Variants in GALNT17 observed in about 807,000 individuals in gnomAD.
GALNT17 encodes polypeptide N-acetylgalactosaminyltransferase 17, also known as UDP-GalNAc:polypeptide N-acetylgalactosaminyltransferase-like 3.
In GALNT17, 29 loss-of-function variants were observed where a neutral mutation model predicts 63.7. That is an observed-to-expected ratio of 0.46 (90% confidence interval 0.34 to 0.62). The LOEUF is 0.62. GALNT17 is among the 20% of genes least tolerant of loss of function. The pLI, the probability that GALNT17 is intolerant of heterozygous loss-of-function variation, is 0.01. For missense variants in GALNT17, 603 were observed against 799.6 expected (o/e 0.75, Z 2.97); for synonymous variants, 305 against 318.3 (o/e 0.96, Z 0.45).
chr7:71,638,339 A>G (rs1017712962), intron 6 of GALNT17, among the ~76,000 whole-genome samples: 1 of 152,128 alleles, frequency 6.6e-6, no homozygotes, highest in African/African-American at 2.4e-5. Flanking sequence ...CACTAAGAAC[A>G]CCTAGCCTCC....
chr7:71,591,460 C>T (rs1789800216), intron 6 of GALNT17, among the ~76,000 whole-genome samples: 1 of 152,136 alleles, frequency 6.6e-6, no homozygotes. Flanking sequence ...TGTGAAAGAG[C>T]CATAGGGACT....
intron 1 of GALNT17, among the ~76,000 whole-genome samples, chr7:71,249,440 A>G (rs1033657295): frequency 1.1e-4 from 16 of 152,162 alleles, no homozygotes; most frequent in Non-Finnish European, 2.2e-4. Flanking sequence ...ACCTGCATAT[A>G]TGTTTAATTA....
intron 5 of GALNT17, among the ~76,000 whole-genome samples, chr7:71,528,103 A>G (rs1329936180): frequency 6.6e-6 from 1 of 152,216 alleles, no homozygotes; most frequent in Non-Finnish European, 1.5e-5. Context: ...GTACAGAATT[A>G]TCGAATGCCT....
chr7:71,542,695 C>CAAA (rs10664146), intron 5 of GALNT17, among the ~76,000 whole-genome samples: 1,294 of 120,278 alleles, frequency 0.011, 40 homozygotes, highest in South Asian at 0.029. Flanking sequence ...GACTCCCTGT[C>CAAA]AAAAAAAAAA....
At chr7:71,169,538 T>C (rs1180854861) in intron 1 of GALNT17, among the ~76,000 whole-genome samples, 1 of 152,128 alleles carries the variant, frequency 6.6e-6, no homozygotes, top group African/African-American at 2.4e-5. Context: ...ACATAATGGG[T>C]TTTTATATAG....
chr7:71,659,875 C>A (rs1007278439), intron 6 of GALNT17, among the ~76,000 whole-genome samples: 1 of 152,182 alleles, frequency 6.6e-6, no homozygotes, highest in African/African-American at 2.4e-5. Context: ...CTCAGCCTAG[C>A]CCTTCAGACT....
At chr7:71,575,060 A>G (rs145568414) in intron 6 of GALNT17, among the ~76,000 whole-genome samples, 14 of 152,278 alleles carry the variant, frequency 9.2e-5, no homozygotes, top group African/African-American at 2.6e-4. Context: ...CCAGGTGACT[A>G]CAGGGTTCCT....
At chr7:71,484,182 A>G (rs952011896) in intron 5 of GALNT17, among the ~76,000 whole-genome samples, 4 of 152,180 alleles carry the variant, frequency 2.6e-5, no homozygotes, top group African/African-American at 7.2e-5. Flanking sequence ...GTCTTTTACT[A>G]TGATTGTCAA....
At chr7:71,206,199 G>A (rs1295166306) in intron 1 of GALNT17, among the ~76,000 whole-genome samples, 1 of 150,710 alleles carries the variant, frequency 6.6e-6, no homozygotes, top group East Asian at 1.9e-4. Context: ...ACACCAAGTG[G>A]TTATCTTGTG....
At chr7:71,611,183 A>G (rs987128428) in intron 6 of GALNT17, among the ~76,000 whole-genome samples, 9 of 151,806 alleles carry the variant, frequency 5.9e-5, no homozygotes, top group African/African-American at 1.9e-4. Context: ...CCTCCCCACC[A>G]TGGGATCTTC....
intron 1 of GALNT17, among the ~76,000 whole-genome samples, chr7:71,165,632 C>T (rs1482227103): frequency 1.3e-5 from 2 of 152,200 alleles, no homozygotes; most frequent in African/African-American, 4.8e-5. Flanking sequence ...ATTATGGAAG[C>T]TACAATTCAA....
intron 6 of GALNT17, among the ~76,000 whole-genome samples, chr7:71,633,752 C>T (rs967551504): frequency 3.9e-5 from 6 of 152,240 alleles, no homozygotes; most frequent in African/African-American, 1.4e-4. Flanking sequence ...ATCTCAGAGA[C>T]AAGCCTCTCA....
chr7:71,385,412 A>C (rs1033036199), intron 2 of GALNT17, among the ~76,000 whole-genome samples: 5 of 152,202 alleles, frequency 3.3e-5, no homozygotes, highest in African/African-American at 1.2e-4. Flanking sequence ...GTGACGACAG[A>C]GTCAGGCCTT....
chr7:71,585,914 C>CT (rs35569879), intron 6 of GALNT17, among the ~76,000 whole-genome samples: 78,399 of 137,830 alleles, frequency 0.57, 23,499 homozygotes, highest in East Asian at 0.76. Context: ...TTCCTGATTT[C>CT]TTTTTTTTTT....
At chr7:71,440,250 C>T (rs182400703) in intron 5 of GALNT17, among the ~76,000 whole-genome samples, 218 of 152,110 alleles carry the variant, frequency 1.4e-3, no homozygotes, top group African/African-American at 4.9e-3. Context: ...TCCTGAAAGG[C>T]TGAAAAGTAA....
At chr7:71,149,085 T>C (rs1788084705) in intron 1 of GALNT17, among the ~76,000 whole-genome samples, 1 of 151,794 alleles carries the variant, frequency 6.6e-6, no homozygotes, top group Non-Finnish European at 1.5e-5. Context: ...CTGCTAATTT[T>C]ATAAACTATC....
intron 3 of GALNT17, among the ~76,000 whole-genome samples, chr7:71,406,586 C>T (rs1279380245): frequency 6.6e-6 from 1 of 151,952 alleles, no homozygotes; most frequent in Non-Finnish European, 1.5e-5. Flanking sequence ...ACCATCTTTT[C>T]GTTCATTTTT....
At chr7:71,644,311 C>T (rs950867406) in intron 6 of GALNT17, among the ~76,000 whole-genome samples, 13 of 151,386 alleles carry the variant, frequency 8.6e-5, no homozygotes, top group South Asian at 4.2e-4. Flanking sequence ...TCAAGGTGAG[C>T]GGATCACAAG....
At position 71,710,991 on chromosome 7, in the gene GALNT17, G is replaced by A; in HGVS notation, c.1668+63G>A. 10 of 1,563,828 alleles carry A rather than the reference G, an allele frequency of 6.4e-6. No individual in the cohort carries two copies. In the South Asian group the frequency reaches 8.1e-5, roughly 13 times the overall value. On this transcript the variant is annotated intron_variant, in intron 10 of 10. Coordinates refer to ENST00000333538, the MANE Select transcript of GALNT17 (RefSeq NM_022479.3). ...CTGCAAGAGGCTGCAGACCACAGAG[G>A]GGAATCCTGCTTCCCCAGGGGTCCC...
Sources: gnomAD v4.1 joint callset for allele counts (sites outside exome capture counted in the v4.1 genomes callset) on GRCh38, gnomAD v4.1.1 for gene constraint, MANE v1.5 for transcripts, NCBI Gene and HGNC (gene_info 2026-07-23, HGNC 2026-07-21) for gene names.